Variants in PPP3CC observed in about 807,000 individuals in gnomAD.
PPP3CC encodes the protein protein phosphatase 3 catalytic subunit gamma.
In PPP3CC, 35 loss-of-function variants were observed where a neutral mutation model predicts 60.3. That is an observed-to-expected ratio of 0.58 (90% CI 0.44 to 0.77). The LOEUF is 0.77. Ranked by LOEUF, PPP3CC falls within the 30% of genes least tolerant of loss-of-function variation. The pLI is 0.00. For synonymous variants in PPP3CC, 206 were observed against 224.3 expected (o/e 0.92, Z 0.73); for missense variants, 570 against 628.9 (o/e 0.91, Z 1.00).
chr8:22,513,043 T>C (rs1043523796), intron 5 of PPP3CC, among the ~76,000 whole-genome samples: 1 of 151,352 alleles, frequency 6.6e-6, no homozygotes. Flanking sequence ...GCCATTGCAC[T>C]CCAGCCTGGG....
chr8:22,483,127 A>T (rs1440751787), intron 3 of PPP3CC, among the ~76,000 whole-genome samples: 1 of 152,194 alleles, frequency 6.6e-6, no homozygotes, highest in African/African-American at 2.4e-5. Flanking sequence ...AAGTATCAAA[A>T]CCTCTTGCAG....
At chr8:22,496,483 A>ATATTTTTTTTTTTTTT (rs1563741124) in intron 3 of PPP3CC, among the ~76,000 whole-genome samples, 1 of 77,056 alleles carries the variant, frequency 1.3e-5, no homozygotes, top group Non-Finnish European at 2.6e-5. Context: ...GAGAACTGTA[A>ATATTTTTTTTTTTTTT]TCTTTTTTTT....
chr8:22,460,729 G>A (rs1043732441), intron 1 of PPP3CC, among the ~76,000 whole-genome samples: 30 of 152,238 alleles, frequency 2.0e-4, no homozygotes, highest in African/African-American at 6.7e-4. Flanking sequence ...TGAGGTGAGA[G>A]GATTGCTTGA....
At chr8:22,443,718 C>T (rs1195125745) in intron 1 of PPP3CC, among the ~76,000 whole-genome samples, 1 of 152,140 alleles carries the variant, frequency 6.6e-6, no homozygotes, top group African/African-American at 2.4e-5. Context: ...ATGGATTTCT[C>T]TCCTATATAA....
intron 3 of PPP3CC, chr8:22,492,724 A>C: frequency 1.0e-6 from 1 of 992,840 alleles, no homozygotes. Context: ...TTCATAGAAC[A>C]GCCACAGCAG....
At chr8:22,540,404 T>A (rs1839933819) in intron 13 of PPP3CC, among the ~76,000 whole-genome samples, 1 of 152,224 alleles carries the variant, frequency 6.6e-6, no homozygotes, top group African/African-American at 2.4e-5. Context: ...ACTTTCACAA[T>A]TTCAGCTGCC....
intron 1 of PPP3CC, among the ~76,000 whole-genome samples, chr8:22,454,382 C>T (rs1837127279): frequency 6.6e-6 from 1 of 152,170 alleles, no homozygotes; most frequent in Admixed American, 6.5e-5. Flanking sequence ...CCTATGACAA[C>T]AATGCCTTCT....
At chr8:22,534,831 C>T (rs749374613) in intron 12 of PPP3CC, among the ~76,000 whole-genome samples, 16 of 152,204 alleles carry the variant, frequency 1.1e-4, no homozygotes, top group East Asian at 1.9e-4. Context: ...GGTTGAATCT[C>T]ATAGACATTA....
At chr8:22,457,657 AT>A (rs775046177) in intron 1 of PPP3CC, among the ~76,000 whole-genome samples, 74 of 152,238 alleles carry the variant, frequency 4.9e-4, no homozygotes, top group Non-Finnish European at 8.1e-4. Flanking sequence ...GCTATCGTTG[AT>A]TTCCCCCTTT....
At chr8:22,457,367 A>T (rs1837234180) in intron 1 of PPP3CC, among the ~76,000 whole-genome samples, 1 of 150,190 alleles carries the variant, frequency 6.7e-6, no homozygotes, top group Non-Finnish European at 1.5e-5. Context: ...CCAAGGCTGG[A>T]TCTCGGCTCA....
intron 1 of PPP3CC, among the ~76,000 whole-genome samples, chr8:22,451,032 G>A: frequency 6.7e-6 from 1 of 148,912 alleles, no homozygotes; most frequent in Admixed American, 6.7e-5. Context: ...ATAGAGATGG[G>A]GTTTCACCGT....
At chr8:22,539,658 C>T (rs1839917065) in intron 13 of PPP3CC, among the ~76,000 whole-genome samples, 160 bp downstream of exon 13, 2 of 152,154 alleles carry the variant, frequency 1.3e-5, no homozygotes, top group African/African-American at 4.8e-5. Context: ...CAGGTGTTTC[C>T]TTTGTGTCCT....
At chr8:22,494,494 T>C (rs1162896989) in intron 3 of PPP3CC, among the ~76,000 whole-genome samples, 1 of 152,232 alleles carries the variant, frequency 6.6e-6, no homozygotes, top group Non-Finnish European at 1.5e-5. Context: ...TCTCAGTTTT[T>C]GCTTGTGTTT....
intron 3 of PPP3CC, among the ~76,000 whole-genome samples, chr8:22,481,301 C>T (rs919819682): frequency 6.6e-6 from 1 of 151,666 alleles, no homozygotes; most frequent in Non-Finnish European, 1.5e-5. Flanking sequence ...CGCCACTGCA[C>T]TGCAGCCTGG....
chr8:22,495,713 C>T (rs1281428826), intron 3 of PPP3CC, among the ~76,000 whole-genome samples: 9 of 152,190 alleles, frequency 5.9e-5, no homozygotes, highest in Non-Finnish European at 1.3e-4. Context: ...CACCTGCCAC[C>T]AGGCCTAGCA....
intron 13 of PPP3CC, among the ~76,000 whole-genome samples, chr8:22,540,290 T>C (rs1366532496): frequency 2.0e-5 from 3 of 152,216 alleles, no homozygotes; most frequent in Admixed American, 2.0e-4. Flanking sequence ...TTCTGGTGCA[T>C]AAGACACTCT....
intron 3 of PPP3CC, among the ~76,000 whole-genome samples, chr8:22,495,432 T>C (rs1396625474): frequency 6.6e-6 from 1 of 152,190 alleles, no homozygotes; most frequent in Non-Finnish European, 1.5e-5. Flanking sequence ...CTTGTGCATA[T>C]TTATTTTCGT....
At chr8:22,510,003 G>A (rs1839037467) in intron 4 of PPP3CC, among the ~76,000 whole-genome samples, 1 of 152,112 alleles carries the variant, frequency 6.6e-6, no homozygotes, top group African/African-American at 2.4e-5. Context: ...GGCCAACATG[G>A]TGAAACCCCG....
Position 22,498,081 on chromosome 8 carries a change from T to C in PPP3CC, c.453T>C (p.His151=). The C allele has an allele frequency of 6.2e-7, 1 of 1,611,960 alleles. No homozygotes were observed. Among genetic ancestry groups the C allele is most frequent in the Non-Finnish European group, 8.5e-7 (1 of 1,178,294 alleles). ...TTCGGGGAAATCATGAATGCAGGCA[T>C]CTTACAGACTATTTCACCTTCAAAC... ...FLLRGNHECR[H]LTDYFTFKQE... Residue 151 remains histidine, a synonymous_variant, in exon 4 of 14, where the codon CAT becomes CAC. Coordinates refer to ENST00000240139, the MANE Select transcript of PPP3CC (RefSeq NM_005605.5).
Sources: allele counts gnomAD v4.1 joint callset (sites outside exome capture counted in the v4.1 genomes callset), GRCh38; gene constraint gnomAD v4.1.1; transcripts MANE v1.5; gene names NCBI Gene and HGNC (gene_info 2026-07-23, HGNC 2026-07-21).